ARHGAP28: variants seen among roughly 807,000 people sequenced by gnomAD.
ARHGAP28 encodes the protein rho GTPase-activating protein 28.
Under a neutral mutation model 90.7 loss-of-function variants are expected in ARHGAP28, and 56 were observed. The observed-to-expected ratio is 0.62, with a 90% CI of 0.50 to 0.77. ARHGAP28 has a LOEUF of 0.77. Ranked by LOEUF, ARHGAP28 falls within the 30% of genes least tolerant of loss-of-function variation. The pLI, the probability that ARHGAP28 is intolerant of heterozygous loss-of-function variation, is 0.00. For missense variants in ARHGAP28, 869 were observed against 900.9 expected, an observed-to-expected ratio of 0.96 and a Z score of 0.45; for synonymous variants, 308 against 323.3, an observed-to-expected ratio of 0.95 and a Z score of 0.51.
chr18:6,793,058 A>G (rs2056417535), intron 1 of ARHGAP28, among the ~76,000 whole-genome samples: 1 of 152,244 alleles, frequency 6.6e-6, no homozygotes, highest in Non-Finnish European at 1.5e-5. Flanking sequence ...TATACTGATT[A>G]TATTGGGTCC....
At chr18:6,820,952 A>G (rs1042682039) in intron 1 of ARHGAP28, among the ~76,000 whole-genome samples, 2 of 152,226 alleles carry the variant, frequency 1.3e-5, no homozygotes, top group Admixed American at 1.3e-4. Flanking sequence ...AAACACAGAT[A>G]TGTAGGGAGG....
intron 17 of ARHGAP28, among the ~76,000 whole-genome samples, chr18:6,910,148 T>C (rs1255412238): frequency 6.6e-6 from 1 of 152,174 alleles, no homozygotes; most frequent in Admixed American, 6.5e-5. Context: ...CGTCTGTTTT[T>C]AGAACTGCCT....
At chr18:6,829,719 CATTA>C (rs1222736727) in intron 2 of ARHGAP28, among the ~76,000 whole-genome samples, 2 of 152,180 alleles carry the variant, frequency 1.3e-5, no homozygotes, top group African/African-American at 4.8e-5. Flanking sequence ...GTTTTTGCAT[CATTA>C]ATTATTTTGG....
intron 1 of ARHGAP28, among the ~76,000 whole-genome samples, chr18:6,804,660 A>T (rs947642199): frequency 2.0e-5 from 3 of 152,118 alleles, no homozygotes; most frequent in African/African-American, 7.2e-5. Flanking sequence ...TTCTCTTTTG[A>T]TCCATTGGGT....
chr18:6,818,736 A>G (rs988057796), intron 1 of ARHGAP28, among the ~76,000 whole-genome samples: 1 of 152,208 alleles, frequency 6.6e-6, no homozygotes, highest in African/African-American at 2.4e-5. Context: ...TGCAGGAAGA[A>G]AGAGCAGAAA....
At chr18:6,768,860 G>C (rs1455963919) in intron 1 of ARHGAP28, among the ~76,000 whole-genome samples, 2 of 152,100 alleles carry the variant, frequency 1.3e-5, no homozygotes, top group East Asian at 3.9e-4. Flanking sequence ...TGGGATGCCT[G>C]TAGGACTCAC....
chr18:6,786,661 C>T (rs1175255813), intron 1 of ARHGAP28, among the ~76,000 whole-genome samples: 2 of 152,114 alleles, frequency 1.3e-5, no homozygotes, highest in South Asian at 2.1e-4. Context: ...TAAGATTGTA[C>T]CATTTAAAAT....
At chr18:6,841,202 T>TG (rs2056820227) in intron 3 of ARHGAP28, among the ~76,000 whole-genome samples, 1 of 47,370 alleles carries the variant, frequency 2.1e-5, no homozygotes. Context: ...TCTCTCTCTC[T>TG]CCTCTCCTCT....
At chr18:6,838,170 T>A (rs960894812) in intron 3 of ARHGAP28, among the ~76,000 whole-genome samples, 12 of 152,380 alleles carry the variant, frequency 7.9e-5, no homozygotes, top group Non-Finnish European at 1.6e-4. Flanking sequence ...GGTTAGGTTC[T>A]ATGCAGATGG....
At chr18:6,831,834 C>T (rs2056719287) in intron 2 of ARHGAP28, among the ~76,000 whole-genome samples, 1 of 152,056 alleles carries the variant, frequency 6.6e-6, no homozygotes, top group Non-Finnish European at 1.5e-5. Flanking sequence ...GGGTTCAGTA[C>T]TCACCATTAA....
At chr18:6,854,952 C>T (rs1462505236) in intron 4 of ARHGAP28, among the ~76,000 whole-genome samples, 2 of 152,216 alleles carry the variant, frequency 1.3e-5, no homozygotes, top group Non-Finnish European at 2.9e-5. Context: ...TGTGCACATG[C>T]TCAGGGTGGT....
At chr18:6,860,003 A>T in intron 5 of ARHGAP28, 106 bp downstream of exon 5, 1 of 982,994 alleles carries the variant, frequency 1.0e-6, no homozygotes. Flanking sequence ...ATTAAAAAAT[A>T]CTTGAGCTAA....
intron 1 of ARHGAP28, among the ~76,000 whole-genome samples, chr18:6,759,489 T>TA (rs1382782007): frequency 6.6e-6 from 1 of 152,234 alleles, no homozygotes; most frequent in Non-Finnish European, 1.5e-5. Flanking sequence ...TATTCAGAGT[T>TA]ATGCTGCATA....
At chr18:6,898,297 T>C in intron 16 of ARHGAP28, 1 of 483,772 alleles carries the variant, frequency 2.1e-6, no homozygotes, top group Non-Finnish European at 3.6e-6. Flanking sequence ...AACGTTTTTT[T>C]TCTCCTTTTG....
chr18:6,841,194 T>TCTCTCTCTCCTCTC (rs1218429630), intron 3 of ARHGAP28, among the ~76,000 whole-genome samples: 1 of 64,190 alleles, frequency 1.6e-5, no homozygotes, highest in Admixed American at 1.6e-4. Flanking sequence ...TCTCTCTCTC[T>TCTCTCTCTCCTCTC]CTCTCTCTCC....
intron 1 of ARHGAP28, among the ~76,000 whole-genome samples, chr18:6,740,920 A>G (rs2055971343): frequency 6.6e-6 from 1 of 152,190 alleles, no homozygotes; most frequent in Admixed American, 6.5e-5. Flanking sequence ...GCGTTCACTC[A>G]GGCCCACAAT....
rs182462472 is a variant in ARHGAP28, at chr18:6,833,447, T to C, written c.326-3750T>C. On this transcript the variant is annotated intron_variant, in intron 2 of 17. Transcript: ENST00000383472. ...TTTCTCTTTCTTCTCTCTCTCTCTTTCTCTCTCTCTCTCCCCTTTACAGTC... is the reference window on the plus strand; with the variant it reads ...TTTCTCTTTCTTCTCTCTCTCTCTTCCTCTCTCTCTCTCCCCTTTACAGTC... 1.1e-3 allele frequency among the ~76,000 whole-genome samples: 160 copies of C among 151,696 alleles called. 1 individual carries two copies. The highest frequency in any genetic ancestry group is 3.4e-3 in the African/African-American group (142 of 41,472).
intron 4 of ARHGAP28, among the ~76,000 whole-genome samples, chr18:6,853,265 C>T (rs1404086967): frequency 6.6e-6 from 1 of 152,118 alleles, no homozygotes; most frequent in Non-Finnish European, 1.5e-5. Context: ...ATTCAGGCCA[C>T]GATGGAAGAG....
At chr18:6,793,057 T>A (rs2056417511) in intron 1 of ARHGAP28, among the ~76,000 whole-genome samples, 1 of 152,232 alleles carries the variant, frequency 6.6e-6, no homozygotes, top group African/African-American at 2.4e-5. Flanking sequence ...TTATACTGAT[T>A]ATATTGGGTC....
Sources: allele counts gnomAD v4.1 joint callset (sites outside exome capture counted in the v4.1 genomes callset), GRCh38; gene constraint gnomAD v4.1.1; transcripts MANE v1.5; gene names NCBI Gene and HGNC (gene_info 2026-07-23, HGNC 2026-07-21).